The following WNK1 variants were observed in gnomAD, a reference collection of about 807,000 sequenced individuals.
The protein encoded by WNK1 is WNK lysine deficient protein kinase 1, also known as serine/threonine-protein kinase WNK1.
WNK1 carries 38 observed loss-of-function variants against 222.8 expected under a neutral mutation model. The observed-to-expected ratio is 0.17, with a 90% CI of 0.13 to 0.22. The LOEUF (loss-of-function observed/expected upper bound fraction) is 0.22. Among genes scored for constraint, WNK1 ranks in the 10% least tolerant of loss-of-function variants. WNK1 has a pLI of 1.00. For missense variants in WNK1, 2,348 were observed against 2,918.4 expected (o/e 0.80, Z 4.50); for synonymous variants, 1,090 against 1,092.9 (o/e 1.00, Z 0.05).
At position 879,874 on chromosome 12, in the gene WNK1, T is replaced by G. The variant is rs772823098; in HGVS notation, c.2675T>G (p.Val892Gly). The change falls in exon 11 of 28, where the codon GTT becomes GGT. Residue 892 changes from valine (V) to glycine (G), a missense_variant. This residue lies in a region of WNK1 where 547 missense variants were observed against 558.3 expected (regional missense o/e 0.98). Coordinates refer to ENST00000315939, the MANE Select transcript of WNK1 (RefSeq NM_018979.4). ...GCGATCCCGGGGGTATCAACTGTGG[T>G]TCCTAGTCAGCTTCCAACCCTTCTG... ...TAAIPGVSTV[V>G]PSQLPTLLQP... 6.2e-7 allele frequency: 1 copy of G among 1,614,098 alleles called. No homozygotes were observed. Among genetic ancestry groups the G allele is most frequent in the Non-Finnish European group, 8.5e-7 (1 of 1,180,022 alleles).
At chr12:872,918 A>G (rs941091570) in intron 9 of WNK1, among the ~76,000 whole-genome samples, 2 of 152,226 alleles carry the variant, frequency 1.3e-5, no homozygotes, top group South Asian at 2.1e-4. Flanking sequence ...TTGTTTATAC[A>G]TGCATTCACT....
intron 9 of WNK1, among the ~76,000 whole-genome samples, chr12:876,442 A>G (rs1178534748): frequency 6.6e-6 from 1 of 152,204 alleles, no homozygotes; most frequent in Non-Finnish European, 1.5e-5. Context: ...AAATAATTAA[A>G]TAGGAATAAA....
intron 8 of WNK1, chr12:868,711 T>C: frequency 1.2e-6 from 2 of 1,613,968 alleles, no homozygotes; most frequent in Non-Finnish European, 1.7e-6. Context: ...ATCGGCAGGT[T>C]GCAGTGGACT....
rs761380468 is a variant in WNK1 at position 862,250 on chromosome 12, G to T, written c.2119G>T (p.Val707Leu). Residue 707 changes from valine (V) to leucine (L), a missense_variant, in exon 8 of 28, where the codon GTA (valine) becomes TTA (leucine). Around this residue, in one of 13 missense-constraint regions of WNK1, gnomAD observed 547 missense variants for 558.3 expected, o/e 0.98. Transcript: ENST00000315939. ...TVQAQSQPHG[V>L]YPPSSVAQGQ... Reference sequence around the variant, plus strand: ...CCAAGCACAGTCTCAGCCCCATGGGGTATATCCACCCTCAAGTGTGGTAAG... The same window carrying T: ...CCAAGCACAGTCTCAGCCCCATGGGTTATATCCACCCTCAAGTGTGGTAAG... 1.6e-5 allele frequency: 26 copies of T among 1,613,934 alleles called. No individual in the cohort carries two copies. Among genetic ancestry groups the T allele is most frequent in the Non-Finnish European group, 4.2e-6 (5 of 1,179,978 alleles).
Position 862,287 on chromosome 12 carries a change from G to C in WNK1, c.2139+17G>C. ...TCAAGTGTGGTAAGTAAATGCTTAA[G>C]AGCATGTAATACTACAATGAGAGCC... On this transcript the variant is annotated intron_variant, in intron 8 of 27. Coordinates refer to ENST00000315939, the MANE Select transcript of WNK1 (RefSeq NM_018979.4). 1 of 1,613,376 alleles carries C rather than the reference G, an allele frequency of 6.2e-7. No individual in the cohort carries two copies. The highest frequency in any genetic ancestry group is 1.1e-5 in the South Asian group (1 of 91,042).
At chr12:775,854 G>A (rs1475028665) in intron 1 of WNK1, among the ~76,000 whole-genome samples, 2 of 152,194 alleles carry the variant, frequency 1.3e-5, no homozygotes, top group Non-Finnish European at 2.9e-5. Context: ...TTTACAGGGT[G>A]AAGAGACTGA....
At chr12:790,251 A>C (rs1944706940) in intron 1 of WNK1, among the ~76,000 whole-genome samples, 1 of 152,088 alleles carries the variant, frequency 6.6e-6, no homozygotes, top group Non-Finnish European at 1.5e-5. Flanking sequence ...TTATCTTTTC[A>C]TGTTTTTATT....
intron 1 of WNK1, among the ~76,000 whole-genome samples, 164 bp downstream of exon 1, chr12:754,488 T>C (rs543850980): frequency 1.3e-5 from 2 of 152,300 alleles, no homozygotes; most frequent in African/African-American, 4.8e-5. Flanking sequence ...ATGTGGAGCA[T>C]GTGCCTAGGT....
At position 868,367 on chromosome 12, in the gene WNK1, CAG is replaced by C. The variant is rs1951859185; in HGVS notation, c.2140-2896_2140-2895del. The stretch of plus-strand genomic sequence containing the variant: ...ATCAGTACTGTCAAGTCCTATGAAA[CAG>C]ATACCTGAACAGAAGCCAGTACAAG... On this transcript the variant is annotated intron_variant, in intron 8 of 27. Transcript: ENST00000315939. 6.2e-7 allele frequency: 1 copy of C among 1,613,922 alleles called. No homozygotes were observed. Among genetic ancestry groups the C allele is most frequent in the Non-Finnish European group, 8.5e-7 (1 of 1,179,868 alleles).
chr12:837,299 C>T (rs761566623), intron 4 of WNK1, among the ~76,000 whole-genome samples: 31 of 152,154 alleles, frequency 2.0e-4, no homozygotes, highest in African/African-American at 6.3e-4. Flanking sequence ...GAGGGCTGGG[C>T]GCAGTGGCTC....
intron 1 of WNK1, among the ~76,000 whole-genome samples, chr12:767,288 T>C (rs1330785699): frequency 8.9e-5 from 12 of 134,116 alleles, no homozygotes; most frequent in African/African-American, 3.1e-4. Context: ...AGTCTTGCTC[T>C]GTCGCTCACG....
Position 758,577 on chromosome 12 carries a change from C to T in WNK1, c.759+4253C>T, listed in dbSNP as rs538643418. On this transcript the variant is annotated intron_variant, in intron 1 of 27. Transcript: ENST00000315939. Reference sequence around the variant, plus strand: ...TAATTTTTTGTATTTTTAGTAGAGACGGGGTTTCACCTTGTTAGCCAGGAT... The same window carrying T: ...TAATTTTTTGTATTTTTAGTAGAGATGGGGTTTCACCTTGTTAGCCAGGAT... 5.5e-5 allele frequency among the ~76,000 whole-genome samples: 8 copies of T among 144,884 alleles called. 1 individual carries two copies. Among genetic ancestry groups the T allele is most frequent in the South Asian group, 4.5e-4 (2 of 4,402 alleles).
intron 25 of WNK1, among the ~76,000 whole-genome samples, chr12:899,718 C>A (rs919552477): frequency 1.4e-4 from 21 of 152,186 alleles, no homozygotes; most frequent in African/African-American, 4.1e-4. Context: ...TAATTTTAAA[C>A]ACCCATTGCT....
chr12:754,288 T>C lies in WNK1; in HGVS notation c.723T>C (p.Thr241=). 1.2e-6 allele frequency: 2 copies of C among 1,613,584 alleles called. No individual in the cohort carries two copies. The highest frequency in any genetic ancestry group is 1.7e-6 in the Non-Finnish European group (2 of 1,180,032). ...SFKTVYKGLD[T]ETTVEVAWCE... ...AGACGGTCTACAAAGGTCTGGACAC[T>C]GAAACCACCGTGGAAGTCGCCTGGT... is the stretch of plus-strand genomic sequence containing the variant. The change falls in exon 1 of 28, where the codon ACT becomes ACC. Residue 241 remains threonine, a synonymous_variant. Coordinates refer to ENST00000315939, the MANE Select transcript of WNK1 (RefSeq NM_018979.4).
At chr12:878,113 A>T (rs1384614765) in intron 9 of WNK1, 99 bp from the exon 10 acceptor site, 1 of 1,470,608 alleles carries the variant, frequency 6.8e-7, no homozygotes, top group South Asian at 1.2e-5. Context: ...TAAAATCATC[A>T]TTATTTACAG....
In WNK1 at chr12:857,227, A is replaced by G; in HGVS notation, c.1378A>G (p.Ile460Val). Residue 460 changes from isoleucine (I) to valine (V), a missense_variant, in exon 5 of 28, where the codon ATA (isoleucine) becomes GTA (valine). Physicochemically the swap from Ile to Val is conservative, Grantham distance 29. Around this residue, in one of 13 missense-constraint regions of WNK1, gnomAD observed 37 missense variants for 102.8 expected, o/e 0.36. Coordinates refer to ENST00000315939, the MANE Select transcript of WNK1 (RefSeq NM_018979.4). The stretch of plus-strand genomic sequence containing the variant: ...AGTGAAGGAAATTATTGAAGGATGC[A>G]TACGACAAAACAAAGATGAAAGGTA... ...PEVKEIIEGC[I>V]RQNKDERYSI... 1 of 1,614,244 alleles carries G rather than the reference A, an allele frequency of 6.2e-7. No individual in the cohort carries two copies. Among genetic ancestry groups the G allele is most frequent in the Non-Finnish European group, 8.5e-7 (1 of 1,180,034 alleles).
intron 8 of WNK1, chr12:865,023 G>T: frequency 7.1e-7 from 1 of 1,399,672 alleles, no homozygotes; most frequent in Non-Finnish European, 9.3e-7. Context: ...ATTTCTTCAT[G>T]CAACTATGCC....
chr12:804,874 TA>T (rs1330179428), intron 1 of WNK1, among the ~76,000 whole-genome samples: 1 of 141,214 alleles, frequency 7.1e-6, no homozygotes, highest in Non-Finnish European at 1.5e-5. Flanking sequence ...ATTTGAGTTG[TA>T]CCATGTGTCA....
intron 1 of WNK1, among the ~76,000 whole-genome samples, chr12:768,557 T>C (rs1942066571): frequency 6.6e-6 from 1 of 152,192 alleles, no homozygotes; most frequent in Non-Finnish European, 1.5e-5. Flanking sequence ...ATTTCTGTGA[T>C]AAGAATCTTG....
Sources: gnomAD v4.1 joint callset for allele counts (sites outside exome capture counted in the v4.1 genomes callset) on GRCh38, gnomAD v4.1.1 for gene constraint, gnomAD v4.1.1 regional missense constraint, MANE v1.5 for transcripts, NCBI Gene and HGNC (gene_info 2026-07-23, HGNC 2026-07-21) for gene names.